The following GNAQ variants were observed in gnomAD, a reference collection of about 807,000 sequenced individuals.
GNAQ encodes G protein subunit alpha q.
Under a neutral mutation model 43.9 loss-of-function variants are expected in GNAQ, and 8 were observed. The observed-to-expected ratio is 0.18, with a 90% confidence interval of 0.11 to 0.33. The LOEUF is 0.33. Ranked by LOEUF, GNAQ falls within the 10% of genes least tolerant of loss-of-function variation. The pLI is 1.00. For missense variants in GNAQ, 158 were observed against 450.8 expected, an observed-to-expected ratio of 0.35 and a Z score of 5.88; for synonymous variants, 155 against 170.7, an observed-to-expected ratio of 0.91 and a Z score of 0.71.
intron 2 of GNAQ, among the ~76,000 whole-genome samples, chr9:77,857,819 T>C (rs931708464): frequency 6.6e-6 from 1 of 151,808 alleles, no homozygotes; most frequent in African/African-American, 2.4e-5. Context: ...TTCTCCTGTT[T>C]ACCTTAATGA....
At chr9:77,756,613 T>C (rs10747022) in intron 5 of GNAQ, among the ~76,000 whole-genome samples, 124,037 of 152,242 alleles carry the variant, frequency 0.81, 50,764 homozygotes, top group Admixed American at 0.87. Context: ...TGACTGGCCA[T>C]GAGGGGCAGA....
At chr9:77,997,602 AG>A (rs1823585747) in intron 1 of GNAQ, among the ~76,000 whole-genome samples, 1 of 152,136 alleles carries the variant, frequency 6.6e-6, no homozygotes, top group Non-Finnish European at 1.5e-5. Flanking sequence ...CCTGTGGTCA[AG>A]AGCCACGCCA....
At chr9:77,979,665 T>C (rs981836606) in intron 1 of GNAQ, among the ~76,000 whole-genome samples, 20 of 152,244 alleles carry the variant, frequency 1.3e-4, no homozygotes, top group African/African-American at 4.6e-4. Context: ...GACTAAAAAA[T>C]AGCCCCTTCT....
intron 5 of GNAQ, among the ~76,000 whole-genome samples, chr9:77,772,113 T>C (rs1718271699): frequency 6.6e-6 from 1 of 152,144 alleles, no homozygotes; most frequent in Non-Finnish European, 1.5e-5. Flanking sequence ...ACTTTAAAAA[T>C]TATGACCCAT....
Position 77,898,411 on chromosome 9 carries a change from T to C in GNAQ, c.321+23750A>G, listed in dbSNP as rs569694715. 7.9e-5 allele frequency among the ~76,000 whole-genome samples: 12 copies of C among 152,326 alleles called. No individual in the cohort carries two copies. The East Asian group carries it at 2.3e-3, about 29-fold the overall frequency. ...TCCCTCCCATCTAGGCTATTGCCTA[T>C]TCAGAGTATGCTATAGTTTCTCCTA... On this transcript the variant is annotated intron_variant, in intron 2 of 6. Coordinates refer to ENST00000286548, the MANE Select transcript of GNAQ (RefSeq NM_002072.5).
At chr9:77,765,020 G>T (rs1826111603) in intron 5 of GNAQ, among the ~76,000 whole-genome samples, 1 of 152,128 alleles carries the variant, frequency 6.6e-6, no homozygotes, top group Admixed American at 6.5e-5. Flanking sequence ...ATCCTGTCGG[G>T]ATAACCTGGG....
intron 1 of GNAQ, among the ~76,000 whole-genome samples, chr9:77,957,052 C>T (rs1823049381): frequency 6.6e-6 from 1 of 152,050 alleles, no homozygotes; most frequent in Non-Finnish European, 1.5e-5. Flanking sequence ...GAAATAAATG[C>T]TGGCAATGTA....
At chr9:77,740,316 G>A (rs1825633404) in intron 5 of GNAQ, among the ~76,000 whole-genome samples, 1 of 152,170 alleles carries the variant, frequency 6.6e-6, no homozygotes, top group Non-Finnish European at 1.5e-5. Flanking sequence ...CCACACTGAA[G>A]TTCTTTTCTT....
chr9:77,819,258 C>T (rs1397410365), intron 2 of GNAQ, among the ~76,000 whole-genome samples: 3 of 151,968 alleles, frequency 2.0e-5, no homozygotes, highest in East Asian at 1.9e-4. Flanking sequence ...ACATGGAAAC[C>T]GCAAGATGTG....
intron 1 of GNAQ, among the ~76,000 whole-genome samples, chr9:77,927,174 TTACTC>T (rs1426518447): frequency 6.6e-6 from 1 of 152,214 alleles, no homozygotes; most frequent in African/African-American, 2.4e-5. Context: ...AAATCTGTAT[TTACTC>T]TATGTGTCTG....
At chr9:77,993,572 C>T (rs1823534598) in intron 1 of GNAQ, among the ~76,000 whole-genome samples, 1 of 151,904 alleles carries the variant, frequency 6.6e-6, no homozygotes, top group African/African-American at 2.4e-5. Context: ...CATGGTGACA[C>T]GTGCCTGTAA....
At chr9:77,845,589 C>A (rs958721584) in intron 2 of GNAQ, among the ~76,000 whole-genome samples, 1 of 152,178 alleles carries the variant, frequency 6.6e-6, no homozygotes, top group African/African-American at 2.4e-5. Context: ...ACATAAAGAA[C>A]ACAATTCCAA....
Position 77,716,680 on chromosome 9 carries a change from A to G in GNAQ, c.*4643T>C, listed in dbSNP as rs1294360297. On this transcript the variant is annotated 3_prime_UTR_variant, in exon 7 of 7. Coordinates refer to ENST00000286548, the MANE Select transcript of GNAQ (RefSeq NM_002072.5). ...ACCTTTCTGTTTTTTCTGTCTACCA[A>G]AAGCTTATATAAAAGTCAGAATTTC... 4.3e-6 allele frequency: 1 copy of G among 232,890 alleles called. No homozygotes were observed. The highest frequency in any genetic ancestry group is 5.6e-5 in the Admixed American group (1 of 17,768). 14.4% of individuals were successfully genotyped at this position (232,890 alleles called of 1,614,324 possible).
intron 1 of GNAQ, among the ~76,000 whole-genome samples, chr9:77,936,067 A>G (rs1478954730): frequency 1.3e-5 from 2 of 152,234 alleles, no homozygotes; most frequent in South Asian, 4.1e-4. Flanking sequence ...TTGAGAAAGT[A>G]AAGTTAAAGA....
chr9:77,941,070 A>G (rs1004859705), intron 1 of GNAQ, among the ~76,000 whole-genome samples: 2 of 152,244 alleles, frequency 1.3e-5, no homozygotes, highest in Non-Finnish European at 2.9e-5. Flanking sequence ...ACAAGTATTA[A>G]AAGAATTAAC....
chr9:77,988,499 TGAA>T lies in GNAQ; in HGVS notation c.136+42598_136+42600del, dbSNP rs1823470049. On this transcript the variant is annotated intron_variant, in intron 1 of 6. Coordinates refer to ENST00000286548, the MANE Select transcript of GNAQ (RefSeq NM_002072.5). Reference sequence around the variant, plus strand: ...TGCTGTTTTCTCATCTTTCTTCTTTTGAAGAAGTATTATCGAAAACAGGATTCA... The same window carrying T: ...TGCTGTTTTCTCATCTTTCTTCTTTTGAAGTATTATCGAAAACAGGATTCA... 2.6e-5 allele frequency among the ~76,000 whole-genome samples: 4 copies of T among 152,222 alleles called. No individual in the cohort carries two copies. The South Asian group carries it at 8.3e-4, about 31-fold the overall frequency.
chr9:77,791,838 AGT>A (rs1177154802), intron 5 of GNAQ, among the ~76,000 whole-genome samples: 4 of 152,250 alleles, frequency 2.6e-5, no homozygotes, highest in East Asian at 3.9e-4. Flanking sequence ...GGCACAACAA[AGT>A]CTGCTTTGGA....
intron 6 of GNAQ, among the ~76,000 whole-genome samples, chr9:77,724,498 G>T (rs1173139939): frequency 1.3e-5 from 2 of 152,056 alleles, no homozygotes; most frequent in African/African-American, 2.4e-5. Context: ...CACCCAGCAG[G>T]TTTTTTTCTA....
intron 3 of GNAQ, among the ~76,000 whole-genome samples, chr9:77,813,475 C>A (rs911016923): frequency 3.3e-5 from 5 of 152,148 alleles, no homozygotes; most frequent in Admixed American, 1.3e-4. Flanking sequence ...AGCTCTTGCC[C>A]TAAGCAAGTT....
Sources: gnomAD v4.1 joint callset for allele counts (sites outside exome capture counted in the v4.1 genomes callset) on GRCh38, gnomAD v4.1.1 for gene constraint, MANE v1.5 for transcripts, NCBI Gene and HGNC (gene_info 2026-07-23, HGNC 2026-07-21) for gene names.